The following SOX6 variants were observed in gnomAD, a reference collection of about 807,000 sequenced individuals.
The protein encoded by SOX6 is transcription factor SOX-6.
Under a neutral mutation model 97.8 loss-of-function variants are expected in SOX6, and 11 were observed. That is an observed-to-expected ratio of 0.11 (90% CI 0.07 to 0.19). The LOEUF is 0.19. Among genes scored for constraint, SOX6 ranks in the 10% least tolerant of loss-of-function variants. SOX6 has a pLI of 1.00. For missense variants in SOX6, 810 were observed against 1,039.5 expected (o/e 0.78, Z 3.04); for synonymous variants, 360 against 371.4 (o/e 0.97, Z 0.35).
At chr11:16,268,964 T>A (rs1854163055) in intron 3 of SOX6, among the ~76,000 whole-genome samples, 1 of 150,942 alleles carries the variant, frequency 6.6e-6, no homozygotes, top group Admixed American at 6.6e-5. Context: ...TTTTCCTTTA[T>A]TATCTCTGGA....
intron 9 of SOX6, among the ~76,000 whole-genome samples, chr11:16,074,217 G>A (rs1008932445): frequency 2.0e-5 from 3 of 151,920 alleles, no homozygotes; most frequent in Admixed American, 6.6e-5. Flanking sequence ...GATTAATAAA[G>A]AAAACAGAAC....
At chr11:16,676,133 GACCT>G in intron 3 of SOX6, among the ~76,000 whole-genome samples, 1 of 147,788 alleles carries the variant, frequency 6.8e-6, no homozygotes, top group Non-Finnish European at 1.5e-5. Context: ...AATCTCAACT[GACCT>G]ATTTTCAGTT....
At chr11:16,274,595 T>C (rs1464891862) in intron 3 of SOX6, among the ~76,000 whole-genome samples, 2 of 152,214 alleles carry the variant, frequency 1.3e-5, no homozygotes, top group Non-Finnish European at 2.9e-5. Context: ...CCATGTTTAG[T>C]GCTGGGTAGC....
intron 3 of SOX6, among the ~76,000 whole-genome samples, chr11:16,665,971 T>A (rs1847804484): frequency 6.6e-6 from 1 of 152,204 alleles, no homozygotes; most frequent in Non-Finnish European, 1.5e-5. Flanking sequence ...AGAGCCACAG[T>A]ATTACTTGGC....
intron 2 of SOX6, among the ~76,000 whole-genome samples, chr11:16,727,756 C>T (rs978687709): frequency 1.3e-5 from 2 of 151,868 alleles, no homozygotes; most frequent in Non-Finnish European, 2.9e-5. Flanking sequence ...CTTTTATAAC[C>T]GACAAGAACA....
At chr11:16,048,964 T>C (rs1847612981) in intron 11 of SOX6, among the ~76,000 whole-genome samples, 1 of 152,186 alleles carries the variant, frequency 6.6e-6, no homozygotes, top group East Asian at 1.9e-4. Context: ...TGTACATGTA[T>C]TGATAATCAT....
chr11:16,462,213 T>G (rs181053485), intron 1 of SOX6, among the ~76,000 whole-genome samples: 2 of 152,246 alleles, frequency 1.3e-5, no homozygotes, highest in African/African-American at 4.8e-5. Flanking sequence ...ATCCTAATAG[T>G]GTCAGAACAC....
intron 3 of SOX6, among the ~76,000 whole-genome samples, chr11:16,302,825 C>T (rs1262155286): frequency 6.6e-6 from 1 of 152,162 alleles, no homozygotes; most frequent in Non-Finnish European, 1.5e-5. Flanking sequence ...CTGCCTCGGT[C>T]TCCCAAAGTG....
intron 2 of SOX6, among the ~76,000 whole-genome samples, chr11:16,724,696 A>AT (rs1471293693): frequency 6.6e-6 from 1 of 152,126 alleles, no homozygotes. Flanking sequence ...AATTAATAAG[A>AT]TTTTATCTCT....
intron 4 of SOX6, among the ~76,000 whole-genome samples, chr11:16,590,030 C>T (rs1310527484): frequency 4.6e-5 from 7 of 152,078 alleles, no homozygotes; most frequent in Non-Finnish European, 1.5e-5. Flanking sequence ...TGACAACAAA[C>T]GTAAATACAT....
At chr11:16,036,629 G>A (rs958873130) in intron 12 of SOX6, among the ~76,000 whole-genome samples, 1 of 152,126 alleles carries the variant, frequency 6.6e-6, no homozygotes, top group African/African-American at 2.4e-5. Flanking sequence ...GAATTCCCAA[G>A]GGCAAAGATC....
At chr11:16,646,476 T>C (rs1025949389) in intron 3 of SOX6, among the ~76,000 whole-genome samples, 4 of 152,072 alleles carry the variant, frequency 2.6e-5, no homozygotes, top group Non-Finnish European at 5.9e-5. Flanking sequence ...TCTTTGTTTT[T>C]TTTTTTTATT....
At chr11:16,705,956 T>C (rs1429749613) in intron 3 of SOX6, among the ~76,000 whole-genome samples, 2 of 99,210 alleles carry the variant, frequency 2.0e-5, no homozygotes, top group Non-Finnish European at 4.1e-5. Flanking sequence ...AGAAAACAAA[T>C]AGCAAAATGG....
chr11:16,389,363 G>C (rs907228495), intron 1 of SOX6, among the ~76,000 whole-genome samples: 1 of 152,162 alleles, frequency 6.6e-6, no homozygotes, highest in Non-Finnish European at 1.5e-5. Flanking sequence ...GACATTGTAG[G>C]CTTGAGCCAC....
chr11:16,033,869 T>C (rs1855449390), intron 12 of SOX6, among the ~76,000 whole-genome samples: 2 of 148,946 alleles, frequency 1.3e-5, no homozygotes, highest in South Asian at 4.2e-4. Flanking sequence ...CGAAACTCTG[T>C]CTCCAAAACA....
chr11:16,154,490 G>T (rs922692503), intron 6 of SOX6, among the ~76,000 whole-genome samples: 9 of 151,972 alleles, frequency 5.9e-5, no homozygotes, highest in African/African-American at 1.2e-4. Flanking sequence ...AGCTATTGAT[G>T]CTTCTTTCTG....
intron 1 of SOX6, among the ~76,000 whole-genome samples, chr11:16,425,493 GGTCATCC>G (rs1859107616): frequency 6.6e-6 from 1 of 152,120 alleles, no homozygotes; most frequent in Non-Finnish European, 1.5e-5. Context: ...AAGAAATCAA[GGTCATCC>G]AAATAGGAAG....
intron 1 of SOX6, among the ~76,000 whole-genome samples, chr11:16,365,588 C>T (rs1162059012): frequency 6.6e-6 from 1 of 152,110 alleles, no homozygotes; most frequent in Non-Finnish European, 1.5e-5. Context: ...GGTATTTTCT[C>T]AGTCACTCAG....
At chr11:16,601,500 C>G (rs983900205) in intron 4 of SOX6, among the ~76,000 whole-genome samples, 4 of 151,876 alleles carry the variant, frequency 2.6e-5, no homozygotes, top group Non-Finnish European at 4.4e-5. Flanking sequence ...GAAAGTTGTT[C>G]GTAAATAGTG....
Sources: gnomAD v4.1 joint callset for allele counts (sites outside exome capture counted in the v4.1 genomes callset) on GRCh38, gnomAD v4.1.1 for gene constraint, MANE v1.5 for transcripts, NCBI Gene and HGNC (gene_info 2026-07-23, HGNC 2026-07-21) for gene names.